Variants in SCIN observed in about 807,000 individuals in gnomAD.
SCIN encodes scinderin.
A neutral mutation model predicts 91.8 loss-of-function variants in SCIN; 91 were observed. The ratio of observed to expected loss-of-function variants is 0.99; its 90% confidence interval spans 0.84 to 1.18. The LOEUF (loss-of-function observed/expected upper bound fraction) is 1.18. Ranked by LOEUF, SCIN falls within the 50% of genes most tolerant of loss-of-function variation. The probability of loss-of-function intolerance (pLI) is 0.00; values close to 1 mark genes in which losing one functional copy is unlikely to be tolerated. For synonymous variants in SCIN, 367 were observed against 312.6 expected (o/e 1.17, Z -1.84); for missense variants, 1,087 against 863.9 (o/e 1.26, Z -3.24).
At chr7:12,626,024 A>G in intron 7 of SCIN, 174 bp downstream of exon 7, 1 of 551,940 alleles carries the variant, frequency 1.8e-6, no homozygotes, top group Non-Finnish European at 3.2e-6. Context: ...TGGGGGTTAG[A>G]ATTTTTTAGA....
rs140655949 is a variant in SCIN at position 12,600,937 on chromosome 7, A to G, written c.517-3577A>G. Among the ~76,000 whole-genome samples the G allele has an allele frequency of 2.2e-3, 334 of 152,264 alleles. 1 individual carries two copies. Among genetic ancestry groups the G allele is most frequent in the African/African-American group, 7.5e-3 (311 of 41,548 alleles). ...ACTCTTTGTAACTGCTAACTTTGTC[A>G]TGGTATTCAAATGACCTCCACATGT... On this transcript the variant is annotated intron_variant, in intron 3 of 15. Coordinates refer to ENST00000297029, the MANE Select transcript of SCIN (RefSeq NM_001112706.3).
Position 12,593,690 on chromosome 7 carries a change from G to A in SCIN, c.517-10824G>A, listed in dbSNP as rs568594798. 2.0e-5 allele frequency among the ~76,000 whole-genome samples: 3 copies of A among 152,194 alleles called. No individual in the cohort carries two copies. In the South Asian group the frequency reaches 6.2e-4, roughly 32 times the overall value. ...GTTTTTCAAAATTTACAGCCTATGG[G>A]CAGCTTTGTTAAGGCCTGCAATGAG... On this transcript the variant is annotated intron_variant, in intron 3 of 15. Coordinates refer to ENST00000297029, the MANE Select transcript of SCIN (RefSeq NM_001112706.3).
At chr7:12,590,460 T>A (rs866965998) in intron 3 of SCIN, among the ~76,000 whole-genome samples, 5 of 151,964 alleles carry the variant, frequency 3.3e-5, no homozygotes, top group Admixed American at 1.3e-4. Flanking sequence ...GGAGTAGGTA[T>A]GGGGGCGCAC....
chr7:12,637,259 TA>T (rs35862058), intron 10 of SCIN, among the ~76,000 whole-genome samples: 44 of 152,142 alleles, frequency 2.9e-4, no homozygotes, highest in African/African-American at 9.7e-4. Flanking sequence ...ATTAATAGGT[TA>T]AAAAAAGATG....
rs1783506963 is a variant in SCIN at position 12,625,744 on chromosome 7, A to G, written c.893-18A>G. 2 of 1,538,592 alleles carry G rather than the reference A, an allele frequency of 1.3e-6. No homozygotes were observed. Among genetic ancestry groups the G allele is most frequent in the South Asian group, 2.3e-5 (2 of 86,886 alleles). On this transcript the variant is annotated intron_variant, in intron 6 of 15. Transcript: ENST00000297029. ...CCTTCTCTGAAGTTCTTTCTCTTTA[A>G]TTTACCTTGTATTTTAGGTAAAGAT...
chr7:12,656,109 T>C lies in SCIN; in HGVS notation c.*3394T>C, dbSNP rs1035542507. On this transcript the variant is annotated 3_prime_UTR_variant, in exon 16 of 16. Transcript: ENST00000297029. Reference sequence around the variant, plus strand: ...ATCAAATAATATTTCCCACCACTTATTTCTAGCAGTTCTGGTAAAGAGAAT... The same window carrying C: ...ATCAAATAATATTTCCCACCACTTACTTCTAGCAGTTCTGGTAAAGAGAAT... 3 of 152,204 alleles carry C rather than the reference T, an allele frequency of 2.0e-5. No homozygotes were observed. The highest frequency in any genetic ancestry group is 7.2e-5 in the African/African-American group (3 of 41,454). 9.4% of individuals were successfully genotyped at this position (152,204 alleles called of 1,614,324 possible).
chr7:12,632,216 C>T (rs538021210), intron 9 of SCIN, among the ~76,000 whole-genome samples: 10 of 151,530 alleles, frequency 6.6e-5, no homozygotes, highest in East Asian at 3.9e-4. Flanking sequence ...TTGCAACCTC[C>T]GCCTCCCGGG....
intron 11 of SCIN, among the ~76,000 whole-genome samples, chr7:12,643,791 C>G (rs375042231): frequency 6.6e-6 from 1 of 152,186 alleles, no homozygotes; most frequent in African/African-American, 2.4e-5. Flanking sequence ...AGCTGCTCCC[C>G]CTCAGTCTTG....
Position 12,625,035 on chromosome 7 carries a change from G to C in SCIN, c.785G>C (p.Arg262Thr). The C allele has an allele frequency of 6.4e-7, 1 of 1,570,154 alleles. No individual in the cohort carries two copies. The highest frequency in any genetic ancestry group is 8.6e-7 in the Non-Finnish European group (1 of 1,156,098). The change falls in exon 6 of 16, where the codon AGA becomes ACA. Residue 262 changes from arginine to threonine, a missense_variant. Transcript: ENST00000297029. The stretch of plus-strand genomic sequence containing the variant: ...GTTTCAGATGCAAGTGGCTCCATGA[G>C]AGTGACTGTGGTGGCAGAAGAAAAC... ...YMVSDASGSM[R>T]VTVVAEENPF...
chr7:12,656,774 T>C lies in SCIN; in HGVS notation c.*4059T>C, dbSNP rs1222649890. ...CCGTCTCTACTAAAAATACAAAAAA[T>C]TAGCTGGGCGTAGTGGCGGGCGCCT... On this transcript the variant is annotated 3_prime_UTR_variant, in exon 16 of 16. Transcript: ENST00000297029. 6.6e-6 allele frequency: 1 copy of C among 151,974 alleles called. No individual in the cohort carries two copies. The highest frequency in any genetic ancestry group is 2.4e-5 in the African/African-American group (1 of 41,340). 9.4% of individuals were successfully genotyped at this position (151,974 alleles called of 1,614,324 possible).
At position 12,657,466 on chromosome 7, in the gene SCIN, C is replaced by G. The variant is rs1345131504; in HGVS notation, c.*4751C>G. 2.1e-5 allele frequency: 3 copies of G among 144,472 alleles called. No individual in the cohort carries two copies. The highest frequency in any genetic ancestry group is 3.0e-5 in the Non-Finnish European group (2 of 66,580). 8.9% of individuals were successfully genotyped at this position (144,472 alleles called of 1,614,324 possible). ...TCAGGAAATCCACCTGCCTTGGCCT[C>G]CCAATATGCTGGGATTACAGGCATG... On this transcript the variant is annotated 3_prime_UTR_variant, in exon 16 of 16. Coordinates refer to ENST00000297029, the MANE Select transcript of SCIN (RefSeq NM_001112706.3).
At chr7:12,588,624 C>T (rs894074974) in intron 3 of SCIN, among the ~76,000 whole-genome samples, 2 of 151,818 alleles carry the variant, frequency 1.3e-5, no homozygotes, top group Non-Finnish European at 2.9e-5. Flanking sequence ...CATATCATCT[C>T]GTGACCAGGT....
intron 4 of SCIN, among the ~76,000 whole-genome samples, chr7:12,606,810 A>G (rs1322894084): frequency 2.0e-5 from 3 of 152,228 alleles, no homozygotes; most frequent in Non-Finnish European, 4.4e-5. Flanking sequence ...CATTTAAAAA[A>G]TTAAGATAAA....
rs888497387 is a variant in SCIN, at chr7:12,597,483, C to A, written c.517-7031C>A. On this transcript the variant is annotated intron_variant, in intron 3 of 15. Transcript: ENST00000297029. ...ACATGTTGAGTCAACATCGCATAGG[C>A]TGTTTTGGGTGCTCCTTTAAACACA... Among the ~76,000 whole-genome samples the A allele has an allele frequency of 6.7e-4, 102 of 152,196 alleles. 2 individuals are homozygous for A. The highest frequency in any genetic ancestry group is 2.9e-5 in the Non-Finnish European group (2 of 68,030).
At chr7:12,614,070 A>G (rs577096252) in intron 4 of SCIN, among the ~76,000 whole-genome samples, 4 of 152,332 alleles carry the variant, frequency 2.6e-5, no homozygotes, top group African/African-American at 9.6e-5. Flanking sequence ...TGTAGAGAAG[A>G]CAAATATATT....
intron 4 of SCIN, among the ~76,000 whole-genome samples, chr7:12,605,182 G>C (rs1178105025): frequency 6.6e-6 from 1 of 152,046 alleles, no homozygotes; most frequent in East Asian, 1.9e-4. Context: ...CTCCCTAGTA[G>C]CTGGGACTAC....
Position 12,636,117 on chromosome 7 carries a change from T to G in SCIN, c.1392T>G (p.Leu464=), listed in dbSNP as rs1206008100. 5 of 1,612,824 alleles carry G rather than the reference T, an allele frequency of 3.1e-6. No individual in the cohort carries two copies. Among genetic ancestry groups the G allele is most frequent in the Non-Finnish European group, 4.2e-6 (5 of 1,179,474 alleles). ...AFLTVQLDRS[L]GGQAVQIRVS... Reference sequence around the variant, plus strand: ...TGACTGTTCAGTTGGATCGGTCCCTTGGAGGACAGGCTGTGCAGGTTGGGA... The same window carrying G: ...TGACTGTTCAGTTGGATCGGTCCCTGGGAGGACAGGCTGTGCAGGTTGGGA... Residue 464 remains leucine, a synonymous_variant, in exon 10 of 16, where the codon CTT becomes CTG. Transcript: ENST00000297029.
In SCIN at chr7:12,626,695, G is replaced by A; in HGVS notation, c.1093G>A (p.Val365Met). The A allele has an allele frequency of 6.3e-7, 1 of 1,591,608 alleles. No homozygotes were observed. The highest frequency in any genetic ancestry group is 8.6e-7 in the Non-Finnish European group (1 of 1,168,456). ...GFGKVYVTEK[V>M]AQIKQIPFDA... ...CGGGAAAGTTTATGTCACAGAGAAAGTGGCTCAAATAAAACAAATTCCCTT... is the reference window on the plus strand; with the variant it reads ...CGGGAAAGTTTATGTCACAGAGAAAATGGCTCAAATAAAACAAATTCCCTT... Residue 365 changes from valine to methionine, a missense_variant, in exon 8 of 16, where the codon GTG becomes ATG. Val to Met is a conservative substitution (Grantham distance 21). Transcript: ENST00000297029.
At position 12,652,807 on chromosome 7, in the gene SCIN, T is replaced by A. The variant is rs1562639885; in HGVS notation, c.*92T>A. ...ACGGGAAAAGCTTTTTGCTTATTTG[T>A]CTTTTGAAAATTAAGGCTGGGCGCG... On this transcript the variant is annotated 3_prime_UTR_variant, in exon 16 of 16. Coordinates refer to ENST00000297029, the MANE Select transcript of SCIN (RefSeq NM_001112706.3). 1 of 1,523,126 alleles carries A rather than the reference T, an allele frequency of 6.6e-7. No individual in the cohort carries two copies. The allele number at this position is 1,523,126 out of a possible 1,614,324, so 94.4% of individuals were successfully genotyped here. A position where few individuals can be genotyped will look rare whatever the true frequency, so the allele number is the denominator to read the frequency against.
Sources: allele counts gnomAD v4.1 joint callset (sites outside exome capture counted in the v4.1 genomes callset), GRCh38; gene constraint gnomAD v4.1.1; transcripts MANE v1.5; gene names NCBI Gene and HGNC (gene_info 2026-07-23, HGNC 2026-07-21).